Variants in CAMSAP1 observed in about 807,000 individuals in gnomAD.
The protein encoded by CAMSAP1 is calmodulin regulated spectrin associated protein 1.
In CAMSAP1, 58 loss-of-function variants were observed where a neutral mutation model predicts 143.5. That is an observed-to-expected ratio of 0.40 (90% CI 0.33 to 0.50). CAMSAP1 has a LOEUF of 0.50. Among genes scored for constraint, CAMSAP1 ranks in the 20% least tolerant of loss-of-function variants. The pLI is 0.45. For synonymous variants in CAMSAP1, 945 were observed against 859.3 expected, an observed-to-expected ratio of 1.10 and a Z score of -1.74; for missense variants, 1,969 against 2,115.7, an observed-to-expected ratio of 0.93 and a Z score of 1.36.
At position 135,825,580 on chromosome 9, in the gene CAMSAP1, G is replaced by T. The variant is rs75003009; in HGVS notation, c.1224-700C>A. ...TGCAGGAAAGGCGGAAGTCACACGTGTGCGGATCGCACAGTTCTGACAGAG... is the reference window on the plus strand; with the variant it reads ...TGCAGGAAAGGCGGAAGTCACACGTTTGCGGATCGCACAGTTCTGACAGAG... On this transcript the variant is annotated intron_variant, in intron 8 of 16. Coordinates refer to ENST00000389532, the MANE Select transcript of CAMSAP1 (RefSeq NM_015447.4). 5.5e-3 allele frequency among the ~76,000 whole-genome samples: 843 copies of T among 152,334 alleles called. 8 individuals are homozygous for T. The highest frequency in any genetic ancestry group is 0.02 in the African/African-American group (821 of 41,578).
chr9:135,816,304 G>A (rs868272372), intron 14 of CAMSAP1, among the ~76,000 whole-genome samples: 69 of 152,360 alleles, frequency 4.5e-4, no homozygotes, highest in African/African-American at 1.6e-3. Flanking sequence ...CCCGTGAGCA[G>A]GGCACAGGCA....
intron 1 of CAMSAP1, among the ~76,000 whole-genome samples, chr9:135,886,700 C>G (rs190525151): frequency 2.1e-4 from 32 of 152,286 alleles, no homozygotes; most frequent in Admixed American, 1.4e-3. Context: ...ACGAGGAGAT[C>G]CCATCTGCTG....
chr9:135,870,295 C>G (rs372162900), intron 3 of CAMSAP1, among the ~76,000 whole-genome samples: 1 of 152,116 alleles, frequency 6.6e-6, no homozygotes, highest in Admixed American at 6.5e-5. Flanking sequence ...GGCAGTTTTC[C>G]CCACTCTTGC....
chr9:135,894,218 C>T (rs1002096180), intron 1 of CAMSAP1, among the ~76,000 whole-genome samples: 4 of 152,120 alleles, frequency 2.6e-5, no homozygotes, highest in African/African-American at 9.7e-5. Flanking sequence ...ACCTGAGACA[C>T]CCCTCCCACA....
At position 135,852,402 on chromosome 9, in the gene CAMSAP1, C is replaced by A. The variant is rs564044150; in HGVS notation, c.809-1941G>T. On this transcript the variant is annotated intron_variant, in intron 5 of 16. Coordinates refer to ENST00000389532, the MANE Select transcript of CAMSAP1 (RefSeq NM_015447.4). ...TTGTGCTTTTTATAATTTTGGCAAT[C>A]CATCTCTACACGAACATCATAAAAG... Among the ~76,000 whole-genome samples, 3 of 152,306 alleles carry A rather than the reference C, an allele frequency of 2.0e-5. No homozygotes were observed. In the South Asian group the frequency reaches 6.2e-4, roughly 32 times the overall value.
At chr9:135,831,033 G>A (rs1240788847) in intron 7 of CAMSAP1, among the ~76,000 whole-genome samples, 7 of 152,072 alleles carry the variant, frequency 4.6e-5, no homozygotes, top group African/African-American at 1.2e-4. Context: ...TTAGCTGAGC[G>A]TGGTGGCGGG....
In CAMSAP1 at chr9:135,907,231, G is replaced by T; in HGVS notation, c.-72C>A. Reference sequence around the variant, plus strand: ...CGCCGCCCCTCGCCGCGCCGGGCCCGGTGCGCCCCGAGCCACCACTCGGCC... The same window carrying T: ...CGCCGCCCCTCGCCGCGCCGGGCCCTGTGCGCCCCGAGCCACCACTCGGCC... On this transcript the variant is annotated 5_prime_UTR_variant, in exon 1 of 17. Transcript: ENST00000389532. The T allele has an allele frequency of 1.0e-6, 1 of 961,136 alleles. No homozygotes were observed. Among genetic ancestry groups the T allele is most frequent in the Non-Finnish European group, 1.2e-6 (1 of 801,272 alleles). The allele number at this position is 961,136 out of a possible 1,614,324, so 59.5% of individuals were successfully genotyped here.
At chr9:135,855,708 C>T (rs906258843) in intron 5 of CAMSAP1, among the ~76,000 whole-genome samples, 38 of 144,990 alleles carry the variant, frequency 2.6e-4, no homozygotes, top group African/African-American at 9.1e-4. Flanking sequence ...CGGGCCACTG[C>T]ACTCCAGCCT....
intron 7 of CAMSAP1, among the ~76,000 whole-genome samples, chr9:135,840,258 G>C (rs543425201): frequency 2.0e-5 from 3 of 152,312 alleles, no homozygotes; most frequent in African/African-American, 7.2e-5. Flanking sequence ...TCAGACCAGA[G>C]ACACTCCCCA....
At chr9:135,836,411 C>A in intron 7 of CAMSAP1, 1 of 984,588 alleles carries the variant, frequency 1.0e-6, no homozygotes, top group African/African-American at 1.8e-5. Flanking sequence ...TTTTTCTACT[C>A]CGTTCTACAG....
At position 135,875,548 on chromosome 9, in the gene CAMSAP1, A is replaced by T. The variant is rs573966943; in HGVS notation, c.585+6085T>A. 5.5e-4 allele frequency among the ~76,000 whole-genome samples: 84 copies of T among 152,314 alleles called. 4 individuals are homozygous for T. In the East Asian group the frequency reaches 0.016, roughly 29 times the overall value. On this transcript the variant is annotated intron_variant, in intron 3 of 16. Coordinates refer to ENST00000389532, the MANE Select transcript of CAMSAP1 (RefSeq NM_015447.4). ...TTTTTAACACAAAGGATATGGCTGG[A>T]AGACTTAACATTGTCCAATTTCAAG...
At position 135,838,683 on chromosome 9, in the gene CAMSAP1, GAC is replaced by G. The variant is rs545810073; in HGVS notation, c.1046-11101_1046-11100del. On this transcript the variant is annotated intron_variant, in intron 7 of 16. Transcript: ENST00000389532. Reference sequence around the variant, plus strand: ...TCACGCACTTTCCACCCGTTCTACAGACACACGTCATCACGCACTTTCCACCC... The same window carrying G: ...TCACGCACTTTCCACCCGTTCTACAGACACGTCATCACGCACTTTCCACCC... 4.2e-4 allele frequency among the ~76,000 whole-genome samples: 62 copies of G among 147,858 alleles called. No homozygotes were observed. In the East Asian group the frequency reaches 0.012, roughly 28 times the overall value.
At chr9:135,877,496 TA>T (rs59498050) in intron 3 of CAMSAP1, among the ~76,000 whole-genome samples, 44,054 of 128,590 alleles carry the variant, frequency 0.34, 7,260 homozygotes, top group African/African-American at 0.5. Flanking sequence ...AGAGCTGTCT[TA>T]AAAAAAAAAA....
chr9:135,867,165 C>T (rs746652908), intron 3 of CAMSAP1, among the ~76,000 whole-genome samples: 4 of 152,134 alleles, frequency 2.6e-5, no homozygotes, highest in Admixed American at 2.6e-4. Flanking sequence ...AGACACAGAG[C>T]TGAATGCTTC....
intron 7 of CAMSAP1, among the ~76,000 whole-genome samples, chr9:135,833,901 A>G (rs1223425808): frequency 6.6e-6 from 1 of 152,264 alleles, no homozygotes; most frequent in Non-Finnish European, 1.5e-5. Flanking sequence ...AACTATTTAC[A>G]AACTATATGG....
intron 10 of CAMSAP1, 61 bp downstream of exon 10, chr9:135,823,889 A>G: frequency 7.4e-7 from 1 of 1,346,710 alleles, no homozygotes; most frequent in Non-Finnish European, 1.0e-6. Context: ...TGACATCTTA[A>G]GAACTGCTGT....
intron 11 of CAMSAP1, 69 bp from the exon 12 acceptor site, chr9:135,819,215 C>G: frequency 1.3e-6 from 2 of 1,511,534 alleles, no homozygotes; most frequent in Non-Finnish European, 1.8e-6. Flanking sequence ...CGCACTCGAC[C>G]CAGCAGCCGA....
intron 3 of CAMSAP1, among the ~76,000 whole-genome samples, chr9:135,876,142 C>G (rs73559485): frequency 0.042 from 6,340 of 152,184 alleles, 443 homozygotes; most frequent in African/African-American, 0.14. Context: ...AGTAGAGACA[C>G]GGTTTCACCA....
At chr9:135,868,531 A>G (rs530503557) in intron 3 of CAMSAP1, among the ~76,000 whole-genome samples, 1 of 152,188 alleles carries the variant, frequency 6.6e-6, no homozygotes, top group South Asian at 2.1e-4. Context: ...AAAAAATTTA[A>G]ATTTTGGAAA....
Sources: gnomAD v4.1 joint callset for allele counts (sites outside exome capture counted in the v4.1 genomes callset) on GRCh38, gnomAD v4.1.1 for gene constraint, MANE v1.5 for transcripts, NCBI Gene and HGNC (gene_info 2026-07-23, HGNC 2026-07-21) for gene names.